The following KHDRBS2 variants were observed in gnomAD, a reference collection of about 807,000 sequenced individuals.
KHDRBS2 encodes KH domain-containing, RNA-binding, signal transduction-associated protein 2.
KHDRBS2 carries 26 observed loss-of-function variants against 44.3 expected under a neutral mutation model. That is an observed-to-expected ratio of 0.59 (90% CI 0.43 to 0.81). The LOEUF is 0.81. Among genes scored for constraint, KHDRBS2 ranks in the 40% least tolerant of loss-of-function variants. The probability of loss-of-function intolerance (pLI) is 0.00; values close to 1 mark genes in which losing one functional copy is unlikely to be tolerated. For missense variants in KHDRBS2, 476 were observed against 433.1 expected (o/e 1.10, Z -0.88); for synonymous variants, 194 against 151.1 (o/e 1.28, Z -2.08).
intron 6 of KHDRBS2, among the ~76,000 whole-genome samples, chr6:61,890,871 A>G (rs1801718970): frequency 6.6e-6 from 1 of 152,166 alleles, no homozygotes; most frequent in South Asian, 2.1e-4. Context: ...CTAAGGTTTT[A>G]AATATTGATA....
intron 6 of KHDRBS2, among the ~76,000 whole-genome samples, chr6:61,761,793 GGA>G (rs1779306646): frequency 6.6e-6 from 1 of 152,098 alleles, no homozygotes; most frequent in Non-Finnish European, 1.5e-5. Flanking sequence ...TTGGGGTGGT[GGA>G]GAAGATTTTG....
At chr6:62,184,505 A>G (rs1823028917) in intron 1 of KHDRBS2, among the ~76,000 whole-genome samples, 1 of 151,814 alleles carries the variant, frequency 6.6e-6, no homozygotes, top group South Asian at 2.1e-4. Context: ...ATAAAAGAAA[A>G]GAGAGAAAAA....
At chr6:62,181,948 G>C (rs1822399142) in intron 1 of KHDRBS2, among the ~76,000 whole-genome samples, 1 of 151,934 alleles carries the variant, frequency 6.6e-6, no homozygotes, top group Non-Finnish European at 1.5e-5. Context: ...CCAGCACCAA[G>C]ATCTTGGACT....
chr6:61,988,003 T>C lies in KHDRBS2; in HGVS notation c.337-9791A>G, dbSNP rs1775387524. The stretch of plus-strand genomic sequence containing the variant: ...CTACAAGCATCAAAAGAACCAAGGG[T>C]GATATTTTAAAAAGTAGCCCAGGAT... On this transcript the variant is annotated intron_variant, in intron 3 of 8. Transcript: ENST00000281156. Among the ~76,000 whole-genome samples, 4 of 151,998 alleles carry C rather than the reference T, an allele frequency of 2.6e-5. No homozygotes were observed. In the South Asian group the frequency reaches 8.3e-4, roughly 32 times the overall value.
the KHDRBS2 span, among the ~76,000 whole-genome samples, chr6:61,617,441 A>G: frequency 1.3e-5 from 2 of 149,664 alleles, no homozygotes; most frequent in Non-Finnish European, 3.0e-5. Flanking sequence ...AGTACTATCT[A>G]TTATTAAAAT....
intron 6 of KHDRBS2, among the ~76,000 whole-genome samples, chr6:61,888,763 G>C (rs1387094038): frequency 6.6e-6 from 1 of 151,766 alleles, no homozygotes; most frequent in African/African-American, 2.4e-5. Context: ...GGGTTTCACC[G>C]TGTTAACCAG....
the KHDRBS2 span, among the ~76,000 whole-genome samples, chr6:61,565,772 C>T: frequency 6.6e-6 from 1 of 151,928 alleles, no homozygotes; most frequent in African/African-American, 2.4e-5. Context: ...ACAGGGAAAA[C>T]AGTATGAAGA....
intron 1 of KHDRBS2, among the ~76,000 whole-genome samples, chr6:62,240,603 C>G (rs1175724524): frequency 2.1e-5 from 3 of 140,738 alleles, no homozygotes; most frequent in African/African-American, 5.3e-5. Flanking sequence ...CATATACATA[C>G]ATATATCTAC....
rs535507624 is a variant in KHDRBS2, at chr6:61,788,364, A to G, written c.811-55600T>C. 4.0e-5 allele frequency among the ~76,000 whole-genome samples: 6 copies of G among 151,564 alleles called. No homozygotes were observed. The South Asian group carries it at 1.2e-3, about 31-fold the overall frequency. On this transcript the variant is annotated intron_variant, in intron 6 of 8. Transcript: ENST00000281156. ...CACTTAGTGTCATTTCAAACAAATC[A>G]TTTGCTTAACAACATTGTATTCTAA...
the KHDRBS2 span, among the ~76,000 whole-genome samples, chr6:61,555,982 G>T: frequency 6.6e-6 from 1 of 152,334 alleles, no homozygotes; most frequent in Non-Finnish European, 1.5e-5. Context: ...TGGCAGTGGG[G>T]TTCATGCTCG....
intron 1 of KHDRBS2, among the ~76,000 whole-genome samples, chr6:62,244,884 A>G (rs1359240651): frequency 2.0e-5 from 3 of 152,134 alleles, no homozygotes; most frequent in African/African-American, 7.2e-5. Flanking sequence ...GGGCAGGACC[A>G]GCCAAATAAA....
At chr6:61,635,155 T>C in the KHDRBS2 span, among the ~76,000 whole-genome samples, 2 of 152,066 alleles carry the variant, frequency 1.3e-5, no homozygotes, top group South Asian at 2.1e-4. Flanking sequence ...TTTTAATTTT[T>C]TGATGACAAC....
chr6:61,813,200 G>A (rs966267569), intron 6 of KHDRBS2, among the ~76,000 whole-genome samples: 1 of 152,090 alleles, frequency 6.6e-6, no homozygotes, highest in Non-Finnish European at 1.5e-5. Context: ...ATGACATACA[G>A]GAGGAAAAGA....
chr6:61,667,236 T>C, the KHDRBS2 span, among the ~76,000 whole-genome samples: 1 of 150,764 alleles, frequency 6.6e-6, no homozygotes, highest in South Asian at 2.1e-4. Flanking sequence ...AACAACTATA[T>C]TCTCTTTTTT....
intron 6 of KHDRBS2, chr6:61,816,884 C>T: frequency 1.1e-5 from 5 of 452,468 alleles, no homozygotes; most frequent in Middle Eastern, 3.4e-4. Flanking sequence ...AAACCATACA[C>T]TTTTACAATT....
At chr6:62,057,057 A>G (rs1271984594) in intron 2 of KHDRBS2, among the ~76,000 whole-genome samples, 1 of 152,016 alleles carries the variant, frequency 6.6e-6, no homozygotes, top group Non-Finnish European at 1.5e-5. Context: ...ATGTTGTATA[A>G]TCAGAGACTG....
At chr6:61,552,953 C>T in the KHDRBS2 span, among the ~76,000 whole-genome samples, 1 of 151,546 alleles carries the variant, frequency 6.6e-6, no homozygotes, top group Admixed American at 6.6e-5. Flanking sequence ...ACTGGCCTGA[C>T]CTGTTATTGT....
chr6:62,058,454 T>A (rs2127322732), intron 2 of KHDRBS2, among the ~76,000 whole-genome samples: 1 of 152,046 alleles, frequency 6.6e-6, no homozygotes, highest in Middle Eastern at 3.4e-3. Context: ...CAGCGACTGT[T>A]CTGTGCTTTG....
At chr6:62,005,828 A>C (rs1584105027) in intron 3 of KHDRBS2, among the ~76,000 whole-genome samples, 1 of 152,078 alleles carries the variant, frequency 6.6e-6, no homozygotes, top group Middle Eastern at 3.4e-3. Context: ...GAGCTTGCTG[A>C]AATGAAAATA....
Sources: gnomAD v4.1 joint callset for allele counts (sites outside exome capture counted in the v4.1 genomes callset) on GRCh38, gnomAD v4.1.1 for gene constraint, MANE v1.5 for transcripts, NCBI Gene and HGNC (gene_info 2026-07-23, HGNC 2026-07-21) for gene names.